The following APBA2 variants were observed in gnomAD, a reference collection of about 807,000 sequenced individuals.
The protein encoded by APBA2 is amyloid-beta A4 precursor protein-binding family A member 2.
In APBA2, 30 loss-of-function variants were observed where a neutral mutation model predicts 75.0. That is an observed-to-expected ratio of 0.40 (90% CI 0.30 to 0.54). The LOEUF (loss-of-function observed/expected upper bound fraction) is 0.54. Among genes scored for constraint, APBA2 ranks in the 20% least tolerant of loss-of-function variants. The pLI, the probability that APBA2 is intolerant of heterozygous loss-of-function variation, is 0.49. For synonymous variants in APBA2, 444 were observed against 409.6 expected (o/e 1.08, Z -1.01); for missense variants, 801 against 1,016.1 (o/e 0.79, Z 2.88).
chr15:28,990,954 T>G (rs1009004143), intron 2 of APBA2, among the ~76,000 whole-genome samples: 1 of 152,220 alleles, frequency 6.6e-6, no homozygotes, highest in Non-Finnish European at 1.5e-5. Context: ...TAATCCAGTT[T>G]GTTCTCAAAA....
chr15:28,933,316 G>A (rs150169999), intron 2 of APBA2, among the ~76,000 whole-genome samples: 20 of 151,536 alleles, frequency 1.3e-4, no homozygotes, highest in African/African-American at 4.8e-4. Flanking sequence ...AAAAGAGGCT[G>A]CAGAGAGAGC....
chr15:29,086,817 TTTAA>T (rs1312675833), intron 6 of APBA2, among the ~76,000 whole-genome samples: 2 of 152,252 alleles, frequency 1.3e-5, no homozygotes, highest in East Asian at 3.8e-4. Flanking sequence ...GCTTTTTCCA[TTTAA>T]TTTTGTTTTA....
intron 3 of APBA2, among the ~76,000 whole-genome samples, chr15:29,004,306 C>T (rs560392827): frequency 5.3e-5 from 8 of 152,306 alleles, no homozygotes; most frequent in Non-Finnish European, 8.8e-5. Context: ...CTGGTTGCCC[C>T]CTTCCTGTGA....
intron 2 of APBA2, among the ~76,000 whole-genome samples, chr15:28,994,767 G>A (rs2038421308): frequency 6.6e-6 from 1 of 152,220 alleles, no homozygotes; most frequent in African/African-American, 2.4e-5. Flanking sequence ...TGATGAAGTC[G>A]AAGCCACTGT....
intron 13 of APBA2, among the ~76,000 whole-genome samples, chr15:29,108,915 A>G (rs1289528344): frequency 1.3e-5 from 2 of 152,318 alleles, no homozygotes; most frequent in East Asian, 3.9e-4. Context: ...GGTTCTGGCC[A>G]AAAACCTGTA....
intron 2 of APBA2, among the ~76,000 whole-genome samples, chr15:28,958,642 G>A (rs1566842810): frequency 6.6e-6 from 1 of 152,114 alleles, no homozygotes; most frequent in Non-Finnish European, 1.5e-5. Flanking sequence ...ACTGGGGCAG[G>A]GAGGTAATGA....
Position 29,101,217 on chromosome 15 carries a change from CTT to C in APBA2, c.1339-369_1339-368del, listed in dbSNP as rs11333657. ...TGCGAAACCCGAATAATTGGAGTGC[CTT>C]TTTTTTTTTTTTCCTTTCTTTTTTT... is the stretch of plus-strand genomic sequence containing the variant. On this transcript the variant is annotated intron_variant, in intron 9 of 14. Transcript: ENST00000683413. 8.8e-3 allele frequency among the ~76,000 whole-genome samples: 1,247 copies of C among 142,378 alleles called. 5 individuals carry two copies. The highest frequency in any genetic ancestry group is 0.01 in the Non-Finnish European group (676 of 65,494). 93.4% of individuals were successfully genotyped at this position (142,378 alleles called of 152,430 possible). A position where few individuals can be genotyped will look rare whatever the true frequency, so the allele number is the denominator to read the frequency against.
chr15:28,889,827 TTTGTTAACCTTGCTTTGTGTTTCTC>T (rs768564462), intron 1 of APBA2, among the ~76,000 whole-genome samples: 13 of 152,246 alleles, frequency 8.5e-5, no homozygotes, highest in African/African-American at 2.4e-4. Flanking sequence ...ATAAATTGGC[TTTGTTAACCTTGCTTTGTGTTTCTC>T]TTGTTAACCT....
chr15:28,963,848 G>A (rs188861814), intron 2 of APBA2, among the ~76,000 whole-genome samples: 92 of 152,314 alleles, frequency 6.0e-4, no homozygotes, highest in Admixed American at 2.3e-3. Flanking sequence ...TGACAGTGAT[G>A]TAGTCAACAG....
At chr15:29,083,592 G>A (rs538815269) in intron 6 of APBA2, among the ~76,000 whole-genome samples, 15 of 152,214 alleles carry the variant, frequency 9.9e-5, no homozygotes, top group African/African-American at 2.2e-4. Context: ...GTGCAATGGC[G>A]CAATCTTGGC....
At chr15:29,117,025 G>C in intron 14 of APBA2, 37 bp from the exon 15 acceptor site, 1 of 1,604,566 alleles carries the variant, frequency 6.2e-7, no homozygotes, top group East Asian at 2.2e-5. Flanking sequence ...AGGGGAGGTG[G>C]GAGGGCAGCG....
chr15:28,926,161 T>A (rs2152680236), intron 2 of APBA2, among the ~76,000 whole-genome samples: 1 of 152,300 alleles, frequency 6.6e-6, no homozygotes, highest in South Asian at 2.1e-4. Context: ...TGTGTTTTGA[T>A]CATTCACATT....
At chr15:28,955,231 A>G (rs1283877503) in intron 2 of APBA2, among the ~76,000 whole-genome samples, 1 of 151,950 alleles carries the variant, frequency 6.6e-6, no homozygotes, top group Non-Finnish European at 1.5e-5. Flanking sequence ...CTCTCATTAG[A>G]GGTGATGCGT....
intron 2 of APBA2, among the ~76,000 whole-genome samples, chr15:28,966,043 G>A (rs1462619177): frequency 2.6e-5 from 4 of 152,108 alleles, no homozygotes; most frequent in African/African-American, 7.2e-5. Flanking sequence ...TCTAGTTGGA[G>A]TCCATTTTGG....
intron 1 of APBA2, among the ~76,000 whole-genome samples, chr15:28,890,863 T>TA (rs2032084397): frequency 1.3e-5 from 2 of 152,244 alleles, no homozygotes; most frequent in South Asian, 4.1e-4. Context: ...TGGCTTCTCT[T>TA]ACTGTCCTGA....
chr15:29,013,998 G>C (rs2039533098), intron 3 of APBA2, among the ~76,000 whole-genome samples: 1 of 152,204 alleles, frequency 6.6e-6, no homozygotes, highest in Non-Finnish European at 1.5e-5. Flanking sequence ...CCCTGAACTT[G>C]ACTTGATATT....
At chr15:29,035,774 C>T (rs1390997950) in intron 3 of APBA2, among the ~76,000 whole-genome samples, 4 of 152,176 alleles carry the variant, frequency 2.6e-5, no homozygotes, top group Admixed American at 2.0e-4. Context: ...CCCAGCCTCC[C>T]CCTGACCTGC....
At chr15:29,087,355 T>G (rs2043334656) in intron 6 of APBA2, among the ~76,000 whole-genome samples, 2 of 152,228 alleles carry the variant, frequency 1.3e-5, no homozygotes, top group Admixed American at 1.3e-4. Context: ...TGCGTTTTCT[T>G]GAGCTTGGCT....
chr15:28,899,884 T>A (rs36181864), intron 1 of APBA2, among the ~76,000 whole-genome samples: 106,885 of 152,184 alleles, frequency 0.7, 43,831 homozygotes, highest in Non-Finnish European at 0.9. Flanking sequence ...AAAGTACAGA[T>A]CTGTAATATA....
Sources: gnomAD v4.1 joint callset for allele counts (sites outside exome capture counted in the v4.1 genomes callset) on GRCh38, gnomAD v4.1.1 for gene constraint, MANE v1.5 for transcripts, NCBI Gene and HGNC (gene_info 2026-07-23, HGNC 2026-07-21) for gene names.